PCDHGA5: variants seen among roughly 807,000 people sequenced by gnomAD.
The protein encoded by PCDHGA5 is protocadherin gamma subfamily A, 5.
In PCDHGA5, 36 loss-of-function variants were observed where a neutral mutation model predicts 56.7. The ratio of observed to expected loss-of-function variants is 0.64; its 90% CI spans 0.49 to 0.84. The LOEUF (loss-of-function observed/expected upper bound fraction) is 0.84. Ranked by LOEUF, PCDHGA5 falls within the 40% of genes least tolerant of loss-of-function variation. The pLI is 0.00. For missense variants in PCDHGA5, 1,305 were observed against 1,201.5 expected (o/e 1.09, Z -1.27); for synonymous variants, 563 against 520.2 (o/e 1.08, Z -1.12).
At position 141,366,220 on chromosome 5, in the gene PCDHGA5, A is replaced by C; in HGVS notation, c.1890A>C (p.Arg630=). The change falls in exon 1 of 4, where the codon CGA becomes CGC. Residue 630 remains arginine (R), a synonymous_variant. Coordinates refer to ENST00000518069, the MANE Select transcript of PCDHGA5 (RefSeq NM_018918.3). ...GLHTGEVRTA[R]ALLDRDALKQ... ...ACACGGGCGAGGTGCGCACAGCGCG[A>C]GCCCTGCTGGACAGAGACGCGCTCA... The C allele has an allele frequency of 6.2e-7, 1 of 1,613,804 alleles. No individual in the cohort carries two copies. The highest frequency in any genetic ancestry group is 8.5e-7 in the Non-Finnish European group (1 of 1,180,032).
In PCDHGA5 at chr5:141,431,414, G is replaced by A. The variant is rs1184197093; in HGVS notation, c.2422-63393G>A. On this transcript the variant is annotated intron_variant, in intron 1 of 3. Coordinates refer to ENST00000518069, the MANE Select transcript of PCDHGA5 (RefSeq NM_018918.3). The surrounding 1 kb of genome is among the most constrained non-coding windows in gnomAD (Gnocchi z 4.8). ...GGTCCTTACGGCCTCCGACGGGGGC[G>A]ACCCGGTGCGCACAGGCACCGCGCG... The A allele has an allele frequency of 6.2e-7, 1 of 1,613,658 alleles. No homozygotes were observed. The highest frequency in any genetic ancestry group is 1.7e-5 in the Admixed American group (1 of 60,026).
rs767107885 is a variant in PCDHGA5, at chr5:141,423,138, C to T, written c.2421+56387C>T. ...CAGCGCGGGCACTGCTGGACAGAGA[C>T]GCGCTCAAGCAGAGCCTCGTGGTGG... On this transcript the variant is annotated intron_variant, in intron 1 of 3. Transcript: ENST00000518069. 2.5e-6 allele frequency: 4 copies of T among 1,613,606 alleles called. 1 individual carries two copies. The highest frequency in any genetic ancestry group is 3.4e-6 in the Non-Finnish European group (4 of 1,179,912).
chr5:141,470,016 C>T (rs116065751), intron 1 of PCDHGA5, among the ~76,000 whole-genome samples: 69 of 152,264 alleles, frequency 4.5e-4, no homozygotes, highest in Non-Finnish European at 7.2e-4. Flanking sequence ...GTAATCCCAG[C>T]TACTCGGGAT....
chr5:141,501,331 A>T (rs1024837974), intron 2 of PCDHGA5, among the ~76,000 whole-genome samples: 2 of 138,846 alleles, frequency 1.4e-5, no homozygotes, highest in Non-Finnish European at 1.6e-5. Flanking sequence ...ACACACACAC[A>T]CACCCCAAAC....
chr5:141,431,464 G>A lies in PCDHGA5; in HGVS notation c.2422-63343G>A. The A allele has an allele frequency of 1.9e-6, 3 of 1,613,782 alleles. No individual in the cohort carries two copies. Among genetic ancestry groups the A allele is most frequent in the Non-Finnish European group, 1.7e-6 (2 of 1,179,972 alleles). ...GCATCCGCGTGATGGTTCTGGATGC[G>A]AACGACAACGCACCAGCGTTTGCTC... On this transcript the variant is annotated intron_variant, in intron 1 of 3. Coordinates refer to ENST00000518069, the MANE Select transcript of PCDHGA5 (RefSeq NM_018918.3). This position sits in a 1 kb window ranked among gnomAD's most constrained non-coding sequence, Gnocchi z 4.8.
At chr5:141,440,551 T>C (rs1220901075) in intron 1 of PCDHGA5, 2 of 152,350 alleles carry the variant, frequency 1.3e-5, no homozygotes, top group East Asian at 1.9e-4. Context: ...GCAGGAATGT[T>C]ATTAAGTTAC....
chr5:141,384,903 C>T (rs1780641689), intron 1 of PCDHGA5: 1 of 1,613,992 alleles, frequency 6.2e-7, no homozygotes. Context: ...CTGACAGCAT[C>T]CCCGAAGTCT....
rs778684539 is a variant in PCDHGA5 at position 141,477,205 on chromosome 5, G to A, written c.2422-17602G>A. ...CCTCCGTGTACAGCCCAGTACCCGA[G>A]GATGCCCCTCTGGGGACTGTCATCG... On this transcript the variant is annotated intron_variant, in intron 1 of 3. Transcript: ENST00000518069. The surrounding 1 kb of genome is among the most constrained non-coding windows in gnomAD (Gnocchi z 4.9). 1 of 1,614,184 alleles carries A rather than the reference G, an allele frequency of 6.2e-7. No homozygotes were observed. The highest frequency in any genetic ancestry group is 8.5e-7 in the Non-Finnish European group (1 of 1,180,042).
chr5:141,458,825 C>A (rs1417477907), intron 1 of PCDHGA5, among the ~76,000 whole-genome samples: 1 of 152,102 alleles, frequency 6.6e-6, no homozygotes, highest in Non-Finnish European at 1.5e-5. Context: ...CTCTGCCTCC[C>A]AGGCTCAAGT....
intron 2 of PCDHGA5, among the ~76,000 whole-genome samples, chr5:141,496,486 C>T (rs186488143): frequency 1.3e-5 from 2 of 152,322 alleles, no homozygotes; most frequent in East Asian, 3.9e-4. Flanking sequence ...CTGCAACCAA[C>T]CAAACCCTTG....
chr5:141,490,423 T>C lies in PCDHGA5; in HGVS notation c.2422-4384T>C. ...CCTTGATATCTCTCCGGACCTGCCATTTCAGATTAAGCCTTCTGAGAACCA... is the reference window on the plus strand; with the variant it reads ...CCTTGATATCTCTCCGGACCTGCCACTTCAGATTAAGCCTTCTGAGAACCA... On this transcript the variant is annotated intron_variant, in intron 1 of 3. Coordinates refer to ENST00000518069, the MANE Select transcript of PCDHGA5 (RefSeq NM_018918.3). This position sits in a 1 kb window ranked among gnomAD's most constrained non-coding sequence, Gnocchi z 5.4. 6.2e-7 allele frequency: 1 copy of C among 1,614,172 alleles called. No individual in the cohort carries two copies. The highest frequency in any genetic ancestry group is 8.5e-7 in the Non-Finnish European group (1 of 1,180,028).
At chr5:141,471,506 G>A (rs2099258630) in intron 1 of PCDHGA5, 1 of 152,214 alleles carries the variant, frequency 6.6e-6, no homozygotes, top group South Asian at 2.1e-4. Flanking sequence ...GCAAGAGAGG[G>A]AGTAAAAATA....
At chr5:141,465,504 G>T (rs2099104593) in intron 1 of PCDHGA5, among the ~76,000 whole-genome samples, 2 of 152,152 alleles carry the variant, frequency 1.3e-5, no homozygotes. Context: ...GCATTGTCGT[G>T]GTCAGGAAGG....
At chr5:141,433,124 G>T in intron 1 of PCDHGA5, 5 of 1,614,136 alleles carry the variant, frequency 3.1e-6, no homozygotes, top group Non-Finnish European at 4.2e-6. Context: ...TGAAAAAAGC[G>T]AGCCCCTTTT....
intron 1 of PCDHGA5, chr5:141,427,785 TC>T: frequency 6.8e-7 from 1 of 1,470,156 alleles, no homozygotes; most frequent in Non-Finnish European, 9.4e-7. Flanking sequence ...GGCACTGTCG[TC>T]CTACGTGTCC....
Position 141,487,506 on chromosome 5 carries a change from C to T in PCDHGA5, c.2422-7301C>T. 1 of 1,614,220 alleles carries T rather than the reference C, an allele frequency of 6.2e-7. No homozygotes were observed. The highest frequency in any genetic ancestry group is 8.5e-7 in the Non-Finnish European group (1 of 1,180,046). On this transcript the variant is annotated intron_variant, in intron 1 of 3. Coordinates refer to ENST00000518069, the MANE Select transcript of PCDHGA5 (RefSeq NM_018918.3). The surrounding 1 kb of genome is among the most constrained non-coding windows in gnomAD (Gnocchi z 5.0). ...CATGGCTGTACACCCTTGGCTTCTG[C>T]ACCCACTCGGAGTGATAGCTTCATG...
At chr5:141,403,749 C>A in intron 1 of PCDHGA5, 1 of 1,613,652 alleles carries the variant, frequency 6.2e-7, no homozygotes, top group African/African-American at 1.3e-5. Context: ...ACTGCAACAG[C>A]CAGCGACCTG....
At chr5:141,501,583 T>C (rs1270487304) in intron 2 of PCDHGA5, among the ~76,000 whole-genome samples, 1 of 152,054 alleles carries the variant, frequency 6.6e-6, no homozygotes, top group Non-Finnish European at 1.5e-5. Context: ...GGCTTTCAGG[T>C]TGCAACTCTA....
chr5:141,375,835 C>A (rs772317330), intron 1 of PCDHGA5: 22 of 1,613,984 alleles, frequency 1.4e-5, no homozygotes, highest in Admixed American at 1.7e-5. Flanking sequence ...CCGCAGAGCC[C>A]GGCTACCTGG....
Sources: gnomAD v4.1 joint callset for allele counts (sites outside exome capture counted in the v4.1 genomes callset) on GRCh38, gnomAD v4.1.1 for gene constraint, Gnocchi (gnomAD v3.1) non-coding constraint, MANE v1.5 for transcripts, NCBI Gene and HGNC (gene_info 2026-07-23, HGNC 2026-07-21) for gene names.